The following ARID5A variants were observed in gnomAD, a reference collection of about 807,000 sequenced individuals.
The protein encoded by ARID5A is AT-rich interaction domain 5A, also known as AT-rich interactive domain-containing protein 5A.
A neutral mutation model predicts 30.5 loss-of-function variants in ARID5A; 14 were observed. That is an observed-to-expected ratio of 0.46 (90% CI 0.30 to 0.72). The LOEUF (loss-of-function observed/expected upper bound fraction) is 0.72. ARID5A is among the 30% of genes least tolerant of loss of function. The probability of loss-of-function intolerance (pLI) is 0.07; values close to 1 mark genes in which losing one functional copy is unlikely to be tolerated. For missense variants in ARID5A, 669 were observed against 786.2 expected (o/e 0.85, Z 1.78); for synonymous variants, 338 against 340.4 (o/e 0.99, Z 0.08).
In ARID5A at chr2:96,537,748, AGGGGTCGCCCGGGCT is replaced by A; in HGVS notation, c.4+927_4+941del. 3.7e-6 allele frequency: 2 copies of A among 547,380 alleles called. No individual in the cohort carries two copies. The highest frequency in any genetic ancestry group is 4.7e-6 in the Non-Finnish European group (2 of 429,914). 33.9% of individuals were successfully genotyped at this position (547,380 alleles called of 1,614,324 possible). ...CGCGCTCCGTCCCTCCGCGGTGTCT[AGGGGTCGCCCGGGCT>A]GGGGTCGCGTCACCCTCCGCCCAGC... On this transcript the variant is annotated intron_variant, in intron 1 of 6. Transcript: ENST00000357485. The surrounding 1 kb of genome is among the most constrained non-coding windows in gnomAD (Gnocchi z 4.8).
chr2:96,546,086 A>G (rs1483054243), intron 1 of ARID5A, among the ~76,000 whole-genome samples: 1 of 152,238 alleles, frequency 6.6e-6, no homozygotes, highest in Non-Finnish European at 1.5e-5. Context: ...GAGGGAAGAC[A>G]TAAGAACACC....
Position 96,550,068 on chromosome 2 carries a change from G to A in ARID5A, c.313-120G>A. On this transcript the variant is annotated intron_variant, in intron 4 of 6. Coordinates refer to ENST00000357485, the MANE Select transcript of ARID5A (RefSeq NM_212481.3). This position sits in a 1 kb window ranked among gnomAD's most constrained non-coding sequence, Gnocchi z 6.6. ...AGAGAGAATCGGCTGGCCGCTGCTG[G>A]AGCCGCAGAGCAGCTGCCAAACTGC... The A allele has an allele frequency of 6.5e-7, 1 of 1,532,282 alleles. No individual in the cohort carries two copies. Among genetic ancestry groups the A allele is most frequent in the Non-Finnish European group, 8.7e-7 (1 of 1,145,600 alleles). 94.9% of individuals were successfully genotyped at this position (1,532,282 alleles called of 1,614,324 possible).
At position 96,537,691 on chromosome 2, in the gene ARID5A, C is replaced by T; in HGVS notation, c.4+861C>T. 1 of 190,404 alleles carries T rather than the reference C, an allele frequency of 5.3e-6. No homozygotes were observed. The highest frequency in any genetic ancestry group is 9.7e-6 in the Non-Finnish European group (1 of 103,104). The allele number at this position is 190,404 out of a possible 1,614,324, so 11.8% of individuals were successfully genotyped here. On this transcript the variant is annotated intron_variant, in intron 1 of 6. Transcript: ENST00000357485. The surrounding 1 kb of genome is among the most constrained non-coding windows in gnomAD (Gnocchi z 4.8). ...AGCTTGCAGGCGATGCCCGGCTTCG[C>T]GCTCGGCGGGAGCTGCGGGCCAACC...
chr2:96,547,584 C>T (rs979021256), intron 2 of ARID5A, 67 bp downstream of exon 2: 48 of 1,451,148 alleles, frequency 3.3e-5, no homozygotes, highest in Non-Finnish European at 4.6e-5. Flanking sequence ...TGCTCCGCCT[C>T]CAGGTGAACC....
chr2:96,552,522 AGTT>A lies in ARID5A; in HGVS notation c.*213_*215del, dbSNP rs746616471. On this transcript the variant is annotated 3_prime_UTR_variant, in exon 7 of 7. Coordinates refer to ENST00000357485, the MANE Select transcript of ARID5A (RefSeq NM_212481.3). ...GCCTGAGCCCAGGAGCAGAGGACCC[AGTT>A]GTTATAAGGCGCTGGGAGAGGATGG... 7 of 1,532,788 alleles carry A rather than the reference AGTT, an allele frequency of 4.6e-6. No individual in the cohort carries two copies. The highest frequency in any genetic ancestry group is 4.9e-5 in the East Asian group (2 of 40,794). The allele number at this position is 1,532,788 out of a possible 1,614,324, so 94.9% of individuals were successfully genotyped here.
Position 96,549,701 on chromosome 2 carries a change from T to G in ARID5A, c.260-52T>G. ...AGGGCACCAGGAAGGGGTGGCATGCTGTCCCCACCTCCCACAGAGACTGAC... is the reference window on the plus strand; with the variant it reads ...AGGGCACCAGGAAGGGGTGGCATGCGGTCCCCACCTCCCACAGAGACTGAC... On this transcript the variant is annotated intron_variant, in intron 3 of 6. Transcript: ENST00000357485. This position sits in a 1 kb window ranked among gnomAD's most constrained non-coding sequence, Gnocchi z 6.1. 6.2e-7 allele frequency: 1 copy of G among 1,610,134 alleles called. No homozygotes were observed. Among genetic ancestry groups the G allele is most frequent in the Non-Finnish European group, 8.5e-7 (1 of 1,176,640 alleles).
rs1400838849 is a variant in ARID5A at position 96,549,513 on chromosome 2, G to A, written c.259+54G>A. On this transcript the variant is annotated intron_variant, in intron 3 of 6. Coordinates refer to ENST00000357485, the MANE Select transcript of ARID5A (RefSeq NM_212481.3). The surrounding 1 kb of genome is among the most constrained non-coding windows in gnomAD (Gnocchi z 6.1). ...GGGGCCCAGCAGGGGACCCCGCCCA[G>A]GCAGGGCATCGGGCAGGCACTCCCA... 1.3e-5 allele frequency: 20 copies of A among 1,593,700 alleles called. No individual in the cohort carries two copies. Among genetic ancestry groups the A allele is most frequent in the Non-Finnish European group, 1.6e-5 (19 of 1,168,270 alleles).
chr2:96,547,523 T>G lies in ARID5A; in HGVS notation c.120+6T>G. The G allele has an allele frequency of 1.2e-6, 2 of 1,612,648 alleles. No homozygotes were observed. The highest frequency in any genetic ancestry group is 8.5e-7 in the Non-Finnish European group (1 of 1,179,344). ...AGAACCCCATCTCGCTGGAGGTGAG[T>G]TGACTCCCTCTGCTGACTCCCTGGG... On this transcript the variant is annotated splice_donor_region_variant and intron_variant, in intron 2 of 6. Transcript: ENST00000357485.
Position 96,551,872 on chromosome 2 carries a change from G to A in ARID5A, c.1344G>A (p.Glu448=). ...GCCTGGGCAGCAAGCGCAGCCTGGAGGAAGAGGGTGCTGCCCACAGTGGGA... is the reference window on the plus strand; with the variant it reads ...GCCTGGGCAGCAAGCGCAGCCTGGAAGAAGAGGGTGCTGCCCACAGTGGGA... ...SPGLGSKRSL[E]EEGAAHSGKR... is the part of the protein sequence containing the mutation. Residue 448 remains glutamate (E), a synonymous_variant, in exon 7 of 7, where the codon GAG becomes GAA. Transcript: ENST00000357485. 1 of 1,580,698 alleles carries A rather than the reference G, an allele frequency of 6.3e-7. No individual in the cohort carries two copies.
rs184318805 is a variant in ARID5A, at chr2:96,539,040, C to T, written c.4+2210C>T. On this transcript the variant is annotated intron_variant, in intron 1 of 6. Transcript: ENST00000357485. The surrounding 1 kb of genome is among the most constrained non-coding windows in gnomAD (Gnocchi z 4.7). ...CCTGCACCCAGGAGGCTGATGTTTC[C>T]GGAGCACCTGCTGGGCAGCGAGGTG... Among the ~76,000 whole-genome samples the T allele has an allele frequency of 3.0e-3, 457 of 152,286 alleles. 3 individuals carry two copies. The highest frequency in any genetic ancestry group is 3.8e-3 in the Non-Finnish European group (256 of 68,022).
chr2:96,550,587 T>C lies in ARID5A; in HGVS notation c.424T>C (p.Tyr142His). 1 of 1,603,444 alleles carries C rather than the reference T, an allele frequency of 6.2e-7. No individual in the cohort carries two copies. The highest frequency in any genetic ancestry group is 8.5e-7 in the Non-Finnish European group (1 of 1,176,054). The change falls in exon 6 of 7, where the codon TAC becomes CAC. Residue 142 changes from tyrosine (Y) to histidine (H), a missense_variant. By Grantham distance (83) the Tyr-to-His change is moderately conservative. Coordinates refer to ENST00000357485, the MANE Select transcript of ARID5A (RefSeq NM_212481.3). The surrounding 1 kb of genome is among the most constrained non-coding windows in gnomAD (Gnocchi z 6.6). ...RRHYERLVLPYVRHLKGEDDK... is the reference protein window; with the variant it reads ...RRHYERLVLPHVRHLKGEDDK... ...GTTCCTCACCAGGCTGGTCCTGCCA[T>C]ACGTGCGGCACCTGAAGGGGGAGGA...
At chr2:96,544,848 C>T (rs1269406179) in intron 1 of ARID5A, among the ~76,000 whole-genome samples, 1 of 152,150 alleles carries the variant, frequency 6.6e-6, no homozygotes, top group Admixed American at 6.6e-5. Context: ...TGAAAACCTC[C>T]GGAGAGCATT....
chr2:96,551,222 G>A lies in ARID5A; in HGVS notation c.694G>A (p.Ala232Thr), dbSNP rs780743677. The A allele has an allele frequency of 1.9e-6, 3 of 1,613,988 alleles. No homozygotes were observed. The highest frequency in any genetic ancestry group is 2.5e-6 in the Non-Finnish European group (3 of 1,180,022). The change falls in exon 7 of 7, where the codon GCC (alanine) becomes ACC (threonine). Residue 232 changes from alanine (A) to threonine (T), a missense_variant. Physicochemically the swap from Ala to Thr is moderately conservative, Grantham distance 58 (BLOSUM62 0). Coordinates refer to ENST00000357485, the MANE Select transcript of ARID5A (RefSeq NM_212481.3). ...TGGGTCTTCTGTGTCCTTTGTGGGT[G>A]CCAGCGGCTGTCCTGAGGCCTACAA... The part of the protein sequence containing the change: ...ASGSSVSFVG[A>T]SGCPEAYKRL...
At chr2:96,547,670 T>A (rs1558617884) in intron 2 of ARID5A, among the ~76,000 whole-genome samples, 153 bp downstream of exon 2, 1 of 152,190 alleles carries the variant, frequency 6.6e-6, no homozygotes, top group Non-Finnish European at 1.5e-5. Context: ...GACTTACTTG[T>A]CATCTGTGGC....
Position 96,550,001 on chromosome 2 carries a change from G to A in ARID5A, c.313-187G>A. 8 of 1,534,510 alleles carry A rather than the reference G, an allele frequency of 5.2e-6. No individual in the cohort carries two copies. The highest frequency in any genetic ancestry group is 1.4e-5 in the African/African-American group (1 of 73,066). ...CTTCCCCATCTGTTCTGCCCGCCCC[G>A]TGTTGGGAAAACTGCTTGGGCCAGC... On this transcript the variant is annotated intron_variant, in intron 4 of 6. Coordinates refer to ENST00000357485, the MANE Select transcript of ARID5A (RefSeq NM_212481.3). This position sits in a 1 kb window ranked among gnomAD's most constrained non-coding sequence, Gnocchi z 6.6.
intron 1 of ARID5A, 104 bp downstream of exon 1, chr2:96,536,934 G>C: frequency 8.3e-7 from 1 of 1,202,350 alleles, no homozygotes; most frequent in Non-Finnish European, 1.0e-6. Flanking sequence ...CAGTCGGTGC[G>C]CTGTGTGGGG....
At chr2:96,540,801 A>G (rs1182557712) in intron 1 of ARID5A, among the ~76,000 whole-genome samples, 1 of 152,254 alleles carries the variant, frequency 6.6e-6, no homozygotes, top group Non-Finnish European at 1.5e-5. Context: ...GCTGGAGTGC[A>G]GTGGCCTAAT....
chr2:96,547,916 C>G (rs1025809024), intron 2 of ARID5A, among the ~76,000 whole-genome samples: 2 of 152,224 alleles, frequency 1.3e-5, no homozygotes, highest in African/African-American at 2.4e-5. Context: ...GGAGCACAGT[C>G]GGCCCCGGCT....
chr2:96,550,873 C>T lies in ARID5A; in HGVS notation c.570+140C>T. 1 of 1,309,572 alleles carries T rather than the reference C, an allele frequency of 7.6e-7. No homozygotes were observed. The highest frequency in any genetic ancestry group is 2.8e-5 in the Admixed American group (1 of 35,226). 81.1% of individuals were successfully genotyped at this position (1,309,572 alleles called of 1,614,324 possible). A position where few individuals can be genotyped will look rare whatever the true frequency, so the allele number is the denominator to read the frequency against. On this transcript the variant is annotated intron_variant, in intron 6 of 6. Coordinates refer to ENST00000357485, the MANE Select transcript of ARID5A (RefSeq NM_212481.3). This position sits in a 1 kb window ranked among gnomAD's most constrained non-coding sequence, Gnocchi z 6.6. ...GGCGGGACTTGCAAGGTTCCAGGTT[C>T]TCCACAGATGGTTGTGCAAGTGGAC...
Sources: gnomAD v4.1 joint callset for allele counts (sites outside exome capture counted in the v4.1 genomes callset) on GRCh38, gnomAD v4.1.1 for gene constraint, Gnocchi (gnomAD v3.1) non-coding constraint, MANE v1.5 for transcripts, NCBI Gene and HGNC (gene_info 2026-07-23, HGNC 2026-07-21) for gene names.